DCC: variants seen among roughly 807,000 people sequenced by gnomAD.
DCC encodes the protein DCC netrin 1 receptor.
DCC carries 58 observed loss-of-function variants against 172.5 expected under a neutral mutation model. The ratio of observed to expected loss-of-function variants is 0.34; its 90% CI spans 0.27 to 0.42. DCC has a LOEUF of 0.42. Ranked by LOEUF, DCC falls within the 10% of genes least tolerant of loss-of-function variation. The pLI, the probability that DCC is intolerant of heterozygous loss-of-function variation, is 1.00. For synonymous variants in DCC, 709 were observed against 644.5 expected, an observed-to-expected ratio of 1.10 and a Z score of -1.52; for missense variants, 1,740 against 1,791.0, an observed-to-expected ratio of 0.97 and a Z score of 0.51.
chr18:53,463,341 C>T (rs899093690), intron 24 of DCC, among the ~76,000 whole-genome samples: 22 of 152,212 alleles, frequency 1.4e-4, no homozygotes, highest in Non-Finnish European at 2.8e-4. Context: ...AGTACTTATG[C>T]CTACTTGTCC....
chr18:52,831,262 C>A (rs1031390799), intron 2 of DCC, among the ~76,000 whole-genome samples: 23 of 152,040 alleles, frequency 1.5e-4, no homozygotes, highest in African/African-American at 5.6e-4. Flanking sequence ...AGGACATGAG[C>A]TATGATTAGA....
chr18:53,302,840 T>A (rs182787822), intron 12 of DCC, among the ~76,000 whole-genome samples: 1 of 152,310 alleles, frequency 6.6e-6, no homozygotes, highest in East Asian at 1.9e-4. Flanking sequence ...CTGTTGATCA[T>A]GTTTTATGTG....
intron 15 of DCC, among the ~76,000 whole-genome samples, chr18:53,380,628 G>C (rs953785015): frequency 2.0e-5 from 3 of 152,078 alleles, no homozygotes; most frequent in South Asian, 2.1e-4. Context: ...ATAAAAGAAA[G>C]CTCCTGGAAA....
At chr18:52,484,815 GAA>G (rs33941491) in intron 1 of DCC, among the ~76,000 whole-genome samples, 8 of 136,552 alleles carry the variant, frequency 5.9e-5, no homozygotes, top group African/African-American at 1.6e-4. Context: ...TTTTAAAAAG[GAA>G]AAAAAAAAAA....
Position 52,521,527 on chromosome 18 carries a change from A to G in DCC, c.91+180649A>G, listed in dbSNP as rs192311853. The stretch of plus-strand genomic sequence containing the variant: ...TCTTACTGTGTGCCTACATGGCCCC[A>G]TCACCAAATGCCATCACTTTGGGAG... On this transcript the variant is annotated intron_variant, in intron 1 of 28. Coordinates refer to ENST00000442544, the MANE Select transcript of DCC (RefSeq NM_005215.4). 2.9e-3 allele frequency among the ~76,000 whole-genome samples: 436 copies of G among 152,246 alleles called. 2 individuals carry two copies. The highest frequency in any genetic ancestry group is 3.5e-3 in the Non-Finnish European group (241 of 68,028).
intron 27 of DCC, among the ~76,000 whole-genome samples, chr18:53,514,594 C>G (rs539278840): frequency 2.6e-5 from 4 of 152,176 alleles, no homozygotes; most frequent in African/African-American, 9.6e-5. Flanking sequence ...CAAATAGACA[C>G]AATAAAAAAT....
intron 9 of DCC, among the ~76,000 whole-genome samples, chr18:53,192,939 G>A (rs2144516511): frequency 6.6e-6 from 1 of 152,226 alleles, no homozygotes; most frequent in Admixed American, 6.5e-5. Context: ...CATTCCTGAT[G>A]CTTCCATCAA....
intron 27 of DCC, among the ~76,000 whole-genome samples, chr18:53,518,020 TC>T (rs2046358200): frequency 6.6e-6 from 1 of 152,132 alleles, no homozygotes; most frequent in African/African-American, 2.4e-5. Flanking sequence ...CCTCAAAAGT[TC>T]CTTGCCTATC....
intron 1 of DCC, among the ~76,000 whole-genome samples, chr18:52,623,249 A>G (rs2034513890): frequency 6.6e-6 from 1 of 152,212 alleles, no homozygotes; most frequent in Non-Finnish European, 1.5e-5. Context: ...TTTTCCTCAC[A>G]TGTCATCTTA....
intron 12 of DCC, among the ~76,000 whole-genome samples, chr18:53,255,630 T>C (rs979127073): frequency 6.6e-6 from 1 of 152,106 alleles, no homozygotes; most frequent in African/African-American, 2.4e-5. Context: ...GACATTTGGA[T>C]TGGTTCCAAG....
At chr18:52,498,573 G>A (rs965540617) in intron 1 of DCC, among the ~76,000 whole-genome samples, 2 of 152,044 alleles carry the variant, frequency 1.3e-5, no homozygotes, top group African/African-American at 4.8e-5. Context: ...GCAGTGAGCC[G>A]AGATCATGCC....
At chr18:53,165,111 C>T (rs2054896772) in intron 8 of DCC, among the ~76,000 whole-genome samples, 1 of 152,162 alleles carries the variant, frequency 6.6e-6, no homozygotes, top group Non-Finnish European at 1.5e-5. Context: ...ATTTAATCCT[C>T]ACAATAATAC....
At chr18:53,104,491 TC>T (rs1372491707) in intron 7 of DCC, among the ~76,000 whole-genome samples, 13 of 152,152 alleles carry the variant, frequency 8.5e-5, no homozygotes, top group Admixed American at 2.0e-4. Flanking sequence ...TTGGGAGGCC[TC>T]CCCAGCCATG....
intron 7 of DCC, among the ~76,000 whole-genome samples, chr18:53,154,086 G>C (rs1336963053): frequency 1.3e-5 from 2 of 152,118 alleles, no homozygotes; most frequent in African/African-American, 4.8e-5. Context: ...GTTTAGGAAA[G>C]GCAAATCCCC....
intron 1 of DCC, among the ~76,000 whole-genome samples, chr18:52,572,451 G>C (rs1289885341): frequency 2.0e-5 from 3 of 152,142 alleles, no homozygotes; most frequent in Non-Finnish European, 4.4e-5. Flanking sequence ...CTCCACTGAT[G>C]ACAGCTGAAG....
chr18:53,423,631 T>TC (rs1278193732), intron 21 of DCC, among the ~76,000 whole-genome samples: 1 of 152,224 alleles, frequency 6.6e-6, no homozygotes, highest in Non-Finnish European at 1.5e-5. Context: ...AAGAATCCTT[T>TC]CTTACCTTTC....
At chr18:52,963,294 A>G (rs1358900168) in intron 5 of DCC, among the ~76,000 whole-genome samples, 3 of 151,536 alleles carry the variant, frequency 2.0e-5, no homozygotes, top group East Asian at 3.9e-4. Flanking sequence ...GCATGCCTAC[A>G]TGATTTATGT....
At chr18:52,923,952 C>A in intron 4 of DCC, 95 bp downstream of exon 4, 1 of 892,900 alleles carries the variant, frequency 1.1e-6, no homozygotes, top group Non-Finnish European at 1.9e-6. Context: ...ACCTACAGTA[C>A]TAGGGTTTTT....
chr18:53,231,445 T>C (rs1242318548), intron 12 of DCC, among the ~76,000 whole-genome samples: 1 of 152,098 alleles, frequency 6.6e-6, no homozygotes, highest in Non-Finnish European at 1.5e-5. Context: ...GTAAAATAGA[T>C]AATAAAGCAA....
Sources: allele counts gnomAD v4.1 joint callset (sites outside exome capture counted in the v4.1 genomes callset), GRCh38; gene constraint gnomAD v4.1.1; transcripts MANE v1.5; gene names NCBI Gene and HGNC (gene_info 2026-07-23, HGNC 2026-07-21).